Variants in KIAA0825 observed in about 807,000 individuals in gnomAD.
KIAA0825 encodes the protein uncharacterized protein KIAA0825.
A neutral mutation model predicts 147.6 loss-of-function variants in KIAA0825; 119 were observed. The ratio of observed to expected loss-of-function variants is 0.81; its 90% CI spans 0.69 to 0.94. KIAA0825 has a LOEUF of 0.94. KIAA0825 is among the 40% of genes least tolerant of loss of function. KIAA0825 has a pLI of 0.00. For missense variants in KIAA0825, 1,381 were observed against 1,472.7 expected, an observed-to-expected ratio of 0.94 and a Z score of 1.02; for synonymous variants, 470 against 518.1, an observed-to-expected ratio of 0.91 and a Z score of 1.26.
At chr5:94,442,014 G>A (rs554000342) in intron 13 of KIAA0825, among the ~76,000 whole-genome samples, 1 of 152,228 alleles carries the variant, frequency 6.6e-6, no homozygotes, top group South Asian at 2.1e-4. Context: ...GAAGACACTG[G>A]CTGTATATCC....
chr5:94,294,460 G>T (rs1226856938), intron 20 of KIAA0825, among the ~76,000 whole-genome samples: 7 of 152,182 alleles, frequency 4.6e-5, no homozygotes, highest in Admixed American at 4.6e-4. Context: ...GGGCATTGTG[G>T]CTCACACCTG....
intron 20 of KIAA0825, among the ~76,000 whole-genome samples, chr5:94,209,395 A>G (rs1772499627): frequency 6.6e-6 from 1 of 152,180 alleles, no homozygotes; most frequent in Non-Finnish European, 1.5e-5. Context: ...TGTAGTTTGC[A>G]ATGTTGGTAT....
intron 20 of KIAA0825, among the ~76,000 whole-genome samples, chr5:94,353,297 ACATAC>A (rs1191110132): frequency 6.6e-6 from 1 of 152,212 alleles, no homozygotes; most frequent in Non-Finnish European, 1.5e-5. Flanking sequence ...TCAATTTTCT[ACATAC>A]CATTTACAGA....
At chr5:94,454,993 A>T (rs1320770253) in intron 12 of KIAA0825, among the ~76,000 whole-genome samples, 1 of 152,162 alleles carries the variant, frequency 6.6e-6, no homozygotes, top group African/African-American at 2.4e-5. Context: ...AGCTTAGGAT[A>T]CATTGCAAGT....
At chr5:94,447,634 T>G (rs986455100) in intron 13 of KIAA0825, among the ~76,000 whole-genome samples, 3 of 152,158 alleles carry the variant, frequency 2.0e-5, no homozygotes, top group Non-Finnish European at 2.9e-5. Context: ...ATTTTTTGAA[T>G]GCATTTATTG....
chr5:94,163,274 A>G (rs1006866770), intron 20 of KIAA0825, among the ~76,000 whole-genome samples: 18 of 152,204 alleles, frequency 1.2e-4, no homozygotes, highest in Non-Finnish European at 2.4e-4. Flanking sequence ...TAGGTCACAT[A>G]TCACACTGGA....
intron 1 of KIAA0825, among the ~76,000 whole-genome samples, chr5:94,610,075 G>A (rs1344513737): frequency 6.6e-6 from 1 of 152,130 alleles, no homozygotes; most frequent in Non-Finnish European, 1.5e-5. Flanking sequence ...TTTTTAAAAT[G>A]AAAAATATTT....
intron 20 of KIAA0825, among the ~76,000 whole-genome samples, chr5:94,380,103 T>A (rs1484958378): frequency 1.3e-5 from 2 of 152,106 alleles, no homozygotes; most frequent in Admixed American, 1.3e-4. Flanking sequence ...TCCACCCGCC[T>A]CAGCCTCCCA....
intron 20 of KIAA0825, among the ~76,000 whole-genome samples, chr5:94,234,873 A>G (rs1245949935): frequency 6.6e-6 from 1 of 152,160 alleles, no homozygotes. Flanking sequence ...AACTATATCA[A>G]TGTCACTATT....
chr5:94,466,547 G>A (rs985685845), intron 10 of KIAA0825, among the ~76,000 whole-genome samples: 1 of 151,752 alleles, frequency 6.6e-6, no homozygotes. Context: ...AAGAAACCCC[G>A]TCTCTACTAA....
chr5:94,507,343 G>A (rs1342909830), intron 5 of KIAA0825, among the ~76,000 whole-genome samples: 3 of 152,094 alleles, frequency 2.0e-5, no homozygotes, highest in Non-Finnish European at 2.9e-5. Flanking sequence ...AGCTACTCAG[G>A]AGGCTGAGGC....
In KIAA0825 at chr5:94,245,991, A is replaced by G. The variant is rs138671513; in HGVS notation, c.3711-91867T>C. ...CCTCAATTCTGCATAACACAGATCT[A>G]TAATCTGTCTTCAATTTGGAAAGCC... On this transcript the variant is annotated intron_variant, in intron 20 of 20. Coordinates refer to ENST00000682413, the MANE Select transcript of KIAA0825 (RefSeq NM_001145678.3). Among the ~76,000 whole-genome samples the G allele has an allele frequency of 8.5e-5, 13 of 152,256 alleles. No homozygotes were observed. In the East Asian group the frequency reaches 2.5e-3, roughly 29 times the overall value.
chr5:94,173,883 C>T (rs1429424805), intron 20 of KIAA0825, among the ~76,000 whole-genome samples: 4 of 152,194 alleles, frequency 2.6e-5, no homozygotes, highest in African/African-American at 9.7e-5. Context: ...TGCTTACATA[C>T]ACACCTCTAC....
intron 20 of KIAA0825, among the ~76,000 whole-genome samples, chr5:94,202,010 G>A (rs1483048683): frequency 2.0e-5 from 3 of 152,168 alleles, no homozygotes; most frequent in African/African-American, 7.2e-5. Flanking sequence ...TAGAGGATGA[G>A]AGTATCTAAG....
chr5:94,268,580 T>C (rs1583991241), intron 20 of KIAA0825, among the ~76,000 whole-genome samples: 1 of 152,080 alleles, frequency 6.6e-6, no homozygotes, highest in African/African-American at 2.4e-5. Flanking sequence ...CCAAATGAGA[T>C]GAAGAGACCA....
intron 13 of KIAA0825, among the ~76,000 whole-genome samples, chr5:94,452,564 T>C (rs1483774107): frequency 7.2e-5 from 11 of 152,190 alleles, no homozygotes; most frequent in Non-Finnish European, 7.4e-5. Flanking sequence ...AAGTGAAAGA[T>C]CCTACTCATA....
intron 1 of KIAA0825, among the ~76,000 whole-genome samples, chr5:94,589,059 T>C (rs958564059): frequency 2.0e-5 from 3 of 152,012 alleles, no homozygotes; most frequent in African/African-American, 7.3e-5. Context: ...TTAGGAGAAA[T>C]ACCTAATGTA....
At chr5:94,302,225 T>C (rs927947989) in intron 20 of KIAA0825, among the ~76,000 whole-genome samples, 2 of 152,112 alleles carry the variant, frequency 1.3e-5, no homozygotes, top group Non-Finnish European at 2.9e-5. Context: ...CCAGTTGCGC[T>C]TCATCATGAA....
intron 20 of KIAA0825, among the ~76,000 whole-genome samples, chr5:94,333,495 A>T (rs996741320): frequency 6.6e-6 from 1 of 152,084 alleles, no homozygotes; most frequent in African/African-American, 2.4e-5. Flanking sequence ...TCCTTAACCC[A>T]TTGCTTGTTT....
Sources: allele counts gnomAD v4.1 joint callset (sites outside exome capture counted in the v4.1 genomes callset), GRCh38; gene constraint gnomAD v4.1.1; transcripts MANE v1.5; gene names NCBI Gene and HGNC (gene_info 2026-07-23, HGNC 2026-07-21).